ADD1: variants seen among roughly 807,000 people sequenced by gnomAD.
The protein encoded by ADD1 is alpha-adducin.
In ADD1, 24 loss-of-function variants were observed where a neutral mutation model predicts 80.5. The observed-to-expected ratio is 0.30, with a 90% confidence interval of 0.22 to 0.42. The LOEUF is 0.42. Among genes scored for constraint, ADD1 ranks in the 10% least tolerant of loss-of-function variants. ADD1 has a pLI of 1.00. For synonymous variants in ADD1, 373 were observed against 393.8 expected, an observed-to-expected ratio of 0.95 and a Z score of 0.63; for missense variants, 948 against 1,019.0, an observed-to-expected ratio of 0.93 and a Z score of 0.95.
chr4:2,925,152 G>A (rs1740757890), intron 14 of ADD1, among the ~76,000 whole-genome samples: 2 of 152,324 alleles, frequency 1.3e-5, no homozygotes, highest in South Asian at 2.1e-4. Flanking sequence ...GCTGCCAGAG[G>A]TCAGCACCTT....
intron 2 of ADD1, among the ~76,000 whole-genome samples, chr4:2,879,401 A>G (rs1311965872): frequency 6.6e-6 from 1 of 152,196 alleles, no homozygotes; most frequent in Non-Finnish European, 1.5e-5. Flanking sequence ...ATTTATCAGT[A>G]TGTATATCCT....
intron 1 of ADD1, among the ~76,000 whole-genome samples, chr4:2,871,446 A>G (rs367624119): frequency 3.3e-5 from 5 of 152,378 alleles, no homozygotes; most frequent in African/African-American, 1.2e-4. Flanking sequence ...GAAACATTAA[A>G]TAAAAACATA....
intron 1 of ADD1, among the ~76,000 whole-genome samples, chr4:2,869,682 GT>G (rs758516907): frequency 2.0e-5 from 3 of 152,146 alleles, no homozygotes; most frequent in Non-Finnish European, 4.4e-5. Context: ...AGAGAATTTT[GT>G]TTGTTATCTC....
intron 6 of ADD1, among the ~76,000 whole-genome samples, chr4:2,896,103 G>A (rs1735170596): frequency 6.6e-6 from 1 of 151,924 alleles, no homozygotes; most frequent in South Asian, 2.1e-4. Flanking sequence ...TAGCCAGAAT[G>A]GTCTTGATCG....
At chr4:2,872,732 A>AT (rs1214139002) in intron 1 of ADD1, among the ~76,000 whole-genome samples, 8 of 151,148 alleles carry the variant, frequency 5.3e-5, no homozygotes, top group Admixed American at 1.3e-4. Flanking sequence ...AATTTTTTTG[A>AT]TTTTTTTTGT....
chr4:2,850,730 C>T lies in ADD1; in HGVS notation c.-21+6706C>T, dbSNP rs372682817. 4.1e-4 allele frequency among the ~76,000 whole-genome samples: 62 copies of T among 151,404 alleles called. 1 individual carries two copies. The highest frequency in any genetic ancestry group is 6.8e-3 in the Middle Eastern group (2 of 294). On this transcript the variant is annotated intron_variant, in intron 1 of 15. Coordinates refer to ENST00000683351, the MANE Select transcript of ADD1 (RefSeq NM_001354761.2). ...GTGAGCCACCGCGCCTGGCCACGCC[C>T]GGCTAATTTTTATATTTGTAGTAGA...
Position 2,928,150 on chromosome 4 carries a change from A to G in ADD1, c.2048-21A>G, listed in dbSNP as rs368392662. 97 of 1,609,356 alleles carry G rather than the reference A, an allele frequency of 6.0e-5. No homozygotes were observed. The African/African-American group carries it at 1.1e-3, about 18-fold the overall frequency. On this transcript the variant is annotated intron_variant, in intron 15 of 15. Coordinates refer to ENST00000683351, the MANE Select transcript of ADD1 (RefSeq NM_001354761.2). ...GATCTGGGCAGGAACCCTTAATCCC[A>G]TCTCTCACCTCACCCACTAGACCTT...
chr4:2,895,777 A>G (rs1000461227), intron 6 of ADD1, among the ~76,000 whole-genome samples: 3 of 152,236 alleles, frequency 2.0e-5, no homozygotes, highest in African/African-American at 7.2e-5. Context: ...TATCTGCTCA[A>G]TGTCATGTGA....
intron 9 of ADD1, 99 bp downstream of exon 9, chr4:2,899,534 T>A (rs1221943246): frequency 7.8e-7 from 1 of 1,284,716 alleles, no homozygotes; most frequent in South Asian, 1.3e-5. Context: ...TTATGCAGTA[T>A]CTGAATACCT....
At chr4:2,849,893 A>G (rs931408796) in intron 1 of ADD1, among the ~76,000 whole-genome samples, 4 of 152,210 alleles carry the variant, frequency 2.6e-5, no homozygotes, top group African/African-American at 9.7e-5. Flanking sequence ...CCCAAGCCTC[A>G]CTTTTCTCCA....
intron 1 of ADD1, among the ~76,000 whole-genome samples, chr4:2,846,836 A>G (rs1006711900): frequency 6.8e-6 from 1 of 146,624 alleles, no homozygotes; most frequent in African/African-American, 2.5e-5. Context: ...AAAAAAAAAA[A>G]GCCGAGCGTG....
intron 1 of ADD1, among the ~76,000 whole-genome samples, chr4:2,862,831 G>T (rs1213295474): frequency 2.0e-5 from 3 of 152,224 alleles, no homozygotes; most frequent in African/African-American, 7.2e-5. Flanking sequence ...TGTCCCCTGA[G>T]AATGTGGATT....
At chr4:2,890,842 A>T (rs1364233985) in intron 4 of ADD1, among the ~76,000 whole-genome samples, 1 of 152,222 alleles carries the variant, frequency 6.6e-6, no homozygotes, top group Non-Finnish European at 1.5e-5. Flanking sequence ...AAAGGAAGCA[A>T]AACAAAAATC....
intron 2 of ADD1, chr4:2,876,318 A>G (rs1731283638): frequency 4.7e-6 from 2 of 426,270 alleles, no homozygotes; most frequent in Admixed American, 8.5e-5. Flanking sequence ...GTCGTAAAGG[A>G]TAGGAAGTGT....
intron 14 of ADD1, among the ~76,000 whole-genome samples, chr4:2,917,951 T>C (rs1739358306): frequency 1.3e-5 from 2 of 152,224 alleles, no homozygotes; most frequent in South Asian, 4.1e-4. Context: ...TGAAGTCAGG[T>C]AGTGTGATGC....
At chr4:2,921,338 C>G (rs1218756419) in intron 14 of ADD1, among the ~76,000 whole-genome samples, 3 of 152,162 alleles carry the variant, frequency 2.0e-5, no homozygotes, top group Non-Finnish European at 4.4e-5. Flanking sequence ...CCATGTTAGC[C>G]AGGATGGTCT....
rs541540388 is a variant in ADD1 at position 2,928,418 on chromosome 4, G to A, written c.2295G>A (p.Ala765=). ...APSAVEEGAA[A]DPGSDGSPGK... ...CAGCTGTCGAGGAGGGGGCCGCCGCGGACCCTGGCAGCGATGGGTCTCCAG... is the reference window on the plus strand; with the variant it reads ...CAGCTGTCGAGGAGGGGGCCGCCGCAGACCCTGGCAGCGATGGGTCTCCAG... The change falls in exon 16 of 16, where the codon GCG becomes GCA. Residue 765 remains alanine, a synonymous_variant. Transcript: ENST00000683351. The A allele has an allele frequency of 8.5e-5, 137 of 1,613,414 alleles. 3 individuals carry two copies. The South Asian group carries it at 9.2e-4, about 11-fold the overall frequency.
At position 2,928,778 on chromosome 4, in the gene ADD1, A is replaced by T. The variant is rs1712465000; in HGVS notation, c.*255A>T. 8.3e-6 allele frequency: 4 copies of T among 479,550 alleles called. No individual in the cohort carries two copies. Among genetic ancestry groups the T allele is most frequent in the Non-Finnish European group, 1.4e-5 (4 of 276,194 alleles). 29.7% of individuals were successfully genotyped at this position (479,550 alleles called of 1,614,324 possible). A position where few individuals can be genotyped will look rare whatever the true frequency, so the allele number is the denominator to read the frequency against. On this transcript the variant is annotated 3_prime_UTR_variant, in exon 16 of 16. Coordinates refer to ENST00000683351, the MANE Select transcript of ADD1 (RefSeq NM_001354761.2). The stretch of plus-strand genomic sequence containing the variant: ...CATGCTCTCCCCACAGGGGGGAGGC[A>T]CTAAGTCATGGTCCTGGCTGGAAGG...
At chr4:2,917,578 T>C (rs974080552) in intron 14 of ADD1, among the ~76,000 whole-genome samples, 1 of 152,254 alleles carries the variant, frequency 6.6e-6, no homozygotes, top group African/African-American at 2.4e-5. Context: ...CCATTGCTTT[T>C]GGTGTTTTAG....
Sources: allele counts gnomAD v4.1 joint callset (sites outside exome capture counted in the v4.1 genomes callset), GRCh38; gene constraint gnomAD v4.1.1; transcripts MANE v1.5; gene names NCBI Gene and HGNC (gene_info 2026-07-23, HGNC 2026-07-21).